ITPR1: variants seen among roughly 807,000 people sequenced by gnomAD.
ITPR1 encodes inositol 1,4,5-trisphosphate-gated calcium channel ITPR1.
Under a neutral mutation model 318.4 loss-of-function variants are expected in ITPR1, and 96 were observed. That is an observed-to-expected ratio of 0.30 (90% CI 0.26 to 0.36). ITPR1 has a LOEUF of 0.36. Among genes scored for constraint, ITPR1 ranks in the 10% least tolerant of loss-of-function variants. The pLI, the probability that ITPR1 is intolerant of heterozygous loss-of-function variation, is 1.00. For missense variants in ITPR1, 2,440 were observed against 3,460.2 expected (o/e 0.71, Z 7.40); for synonymous variants, 1,312 against 1,289.9 (o/e 1.02, Z -0.37).
intron 10 of ITPR1, chr3:4,645,946 T>C: frequency 1.9e-6 from 1 of 514,850 alleles, no homozygotes; most frequent in Non-Finnish European, 3.5e-6. Context: ...AAAAATGGGT[T>C]GGGGATGGCA....
At chr3:4,758,050 G>C (rs929086747) in intron 44 of ITPR1, among the ~76,000 whole-genome samples, 2 of 152,212 alleles carry the variant, frequency 1.3e-5, no homozygotes, top group Admixed American at 6.5e-5. Context: ...GGAAACTCAA[G>C]CTTTGGCTCA....
chr3:4,534,937 C>A (rs568727470), intron 4 of ITPR1, among the ~76,000 whole-genome samples: 6 of 152,084 alleles, frequency 3.9e-5, no homozygotes, highest in Non-Finnish European at 8.8e-5. Flanking sequence ...TCGGTCTTGT[C>A]GACAAAGAAT....
chr3:4,670,680 A>C, intron 19 of ITPR1, 49 bp from the exon 20 acceptor site: 2 of 1,321,958 alleles, frequency 1.5e-6, no homozygotes, highest in Non-Finnish European at 1.1e-6. Context: ...GCTAGATCTC[A>C]AAGTATTTTT....
intron 44 of ITPR1, among the ~76,000 whole-genome samples, chr3:4,736,919 G>A (rs567115063): frequency 7.9e-5 from 12 of 152,326 alleles, no homozygotes; most frequent in African/African-American, 1.2e-4. Context: ...GAGCCAGTTC[G>A]TCTGTGAGGA....
chr3:4,664,710 C>G (rs2093909697), intron 16 of ITPR1, among the ~76,000 whole-genome samples: 1 of 152,232 alleles, frequency 6.6e-6, no homozygotes, highest in Non-Finnish European at 1.5e-5. Context: ...GTGCTGGGCA[C>G]TAGTGCGACT....
rs557268037 is a variant in ITPR1, at chr3:4,596,513, C to T, written c.164-31250C>T. ...TGGAACATGGGGTTTATTTGTGTTT[C>T]AAAAGGCTTAGCAACTGGTGGTCAC... On this transcript the variant is annotated intron_variant, in intron 4 of 61. Transcript: ENST00000649015. Among the ~76,000 whole-genome samples the T allele has an allele frequency of 5.3e-5, 8 of 152,264 alleles. No homozygotes were observed. In the South Asian group the frequency reaches 1.7e-3, roughly 32 times the overall value.
intron 31 of ITPR1, among the ~76,000 whole-genome samples, chr3:4,689,230 AC>A (rs1217734631): frequency 3.3e-5 from 5 of 152,328 alleles, no homozygotes; most frequent in South Asian, 2.1e-4. Flanking sequence ...TTTTAAAAAA[AC>A]ATTCTCATAT....
At chr3:4,673,459 T>C in intron 21 of ITPR1, 72 bp downstream of exon 21, 1 of 1,347,400 alleles carries the variant, frequency 7.4e-7, no homozygotes, top group Admixed American at 2.6e-5. Flanking sequence ...ATGGTCTCAT[T>C]AAATCTTAGA....
At chr3:4,755,476 C>G (rs2044900409) in intron 44 of ITPR1, among the ~76,000 whole-genome samples, 1 of 151,478 alleles carries the variant, frequency 6.6e-6, no homozygotes, top group Admixed American at 6.6e-5. Context: ...TGGGCTCAAG[C>G]AGTCCTTCCA....
At chr3:4,843,707 C>G (rs970860576) in intron 61 of ITPR1, among the ~76,000 whole-genome samples, 26 of 152,168 alleles carry the variant, frequency 1.7e-4, no homozygotes, top group Non-Finnish European at 2.9e-4. Flanking sequence ...TAACCCACAT[C>G]AGTGGGGAGC....
chr3:4,822,206 T>C (rs2049773551), intron 60 of ITPR1, among the ~76,000 whole-genome samples: 1 of 151,994 alleles, frequency 6.6e-6, no homozygotes, highest in African/African-American at 2.4e-5. Flanking sequence ...GTGGGAGGCA[T>C]GCACAGAGGG....
chr3:4,611,031 C>CTTCT (rs1369400414), intron 4 of ITPR1, among the ~76,000 whole-genome samples: 2 of 55,800 alleles, frequency 3.6e-5, no homozygotes, highest in Non-Finnish European at 3.7e-5. Flanking sequence ...CCCTTCCTCC[C>CTTCT]TCCCTCCCTC....
At chr3:4,764,442 G>A (rs2045673761) in intron 44 of ITPR1, among the ~76,000 whole-genome samples, 1 of 152,194 alleles carries the variant, frequency 6.6e-6, no homozygotes, top group Non-Finnish European at 1.5e-5. Context: ...TAGGTGCTCT[G>A]GGGGCAGCTG....
chr3:4,538,273 T>A (rs2084064428), intron 4 of ITPR1, among the ~76,000 whole-genome samples: 1 of 152,166 alleles, frequency 6.6e-6, no homozygotes, highest in Admixed American at 6.5e-5. Context: ...AAGACATTTA[T>A]GTGGCCAAGA....
chr3:4,754,393 A>T (rs995685447), intron 44 of ITPR1, among the ~76,000 whole-genome samples: 4 of 152,214 alleles, frequency 2.6e-5, no homozygotes, highest in East Asian at 1.9e-4. Flanking sequence ...TTCAGGGTTC[A>T]TGAGACAAGG....
chr3:4,564,150 A>G (rs1216372347), intron 4 of ITPR1, among the ~76,000 whole-genome samples: 1 of 152,148 alleles, frequency 6.6e-6, no homozygotes, highest in African/African-American at 2.4e-5. Flanking sequence ...CATGTAGGTC[A>G]GGCTGGTCTC....
chr3:4,663,379 T>C (rs1263800095), intron 16 of ITPR1, among the ~76,000 whole-genome samples, 173 bp downstream of exon 16: 1 of 151,970 alleles, frequency 6.6e-6, no homozygotes, highest in Non-Finnish European at 1.5e-5. Flanking sequence ...CCAGCCTGGG[T>C]GACAGAGAGA....
intron 31 of ITPR1, 128 bp downstream of exon 31, chr3:4,688,748 G>A: frequency 1.1e-6 from 1 of 876,818 alleles, no homozygotes; most frequent in Non-Finnish European, 1.7e-6. Context: ...TTCCAAAGGG[G>A]AACATTTTCA....
chr3:4,827,988 C>T lies in ITPR1; in HGVS notation c.8029-8786C>T, dbSNP rs953013125. On this transcript the variant is annotated intron_variant, in intron 60 of 61. Coordinates refer to ENST00000649015, the MANE Select transcript of ITPR1 (RefSeq NM_001378452.1). Reference sequence around the variant, plus strand: ...ATAACATCTTCCATCACTTCTTTCTCGGTGTGTCTAGGCGGGACTGACCTT... The same window carrying T: ...ATAACATCTTCCATCACTTCTTTCTTGGTGTGTCTAGGCGGGACTGACCTT... 5.3e-5 allele frequency among the ~76,000 whole-genome samples: 8 copies of T among 152,088 alleles called. No homozygotes were observed. The South Asian group carries it at 1.0e-3, about 20-fold the overall frequency.
Sources: gnomAD v4.1 joint callset for allele counts (sites outside exome capture counted in the v4.1 genomes callset) on GRCh38, gnomAD v4.1.1 for gene constraint, MANE v1.5 for transcripts, NCBI Gene and HGNC (gene_info 2026-07-23, HGNC 2026-07-21) for gene names.